The following CSMD1 variants were observed in gnomAD, a reference collection of about 807,000 sequenced individuals.
The protein encoded by CSMD1 is CUB and sushi domain-containing protein 1.
Under a neutral mutation model 417.5 loss-of-function variants are expected in CSMD1, and 213 were observed. The observed-to-expected ratio is 0.51, with a 90% confidence interval of 0.46 to 0.57. The LOEUF (loss-of-function observed/expected upper bound fraction) is 0.57. CSMD1 is among the 20% of genes least tolerant of loss of function. The pLI, the probability that CSMD1 is intolerant of heterozygous loss-of-function variation, is 0.00. For missense variants in CSMD1, 6,923 were observed against 4,529.7 expected, an observed-to-expected ratio of 1.53 and a Z score of -15.17; for synonymous variants, 2,862 against 1,736.8, an observed-to-expected ratio of 1.65 and a Z score of -16.11.
chr8:4,555,021 G>C (rs1255084677), intron 2 of CSMD1, among the ~76,000 whole-genome samples: 1 of 152,206 alleles, frequency 6.6e-6, no homozygotes, highest in Non-Finnish European at 1.5e-5. Context: ...ACGCAAGTAA[G>C]ACTCAGAGAT....
At chr8:4,402,246 G>C (rs145905614) in intron 3 of CSMD1, among the ~76,000 whole-genome samples, 262 of 152,088 alleles carry the variant, frequency 1.7e-3, no homozygotes, top group African/African-American at 6.1e-3. Flanking sequence ...TTCCCTCCAG[G>C]AACATCATAA....
Position 4,686,453 on chromosome 8 carries a change from T to C in CSMD1, c.86-48895A>G, listed in dbSNP as rs568875548. 3.3e-5 allele frequency among the ~76,000 whole-genome samples: 5 copies of C among 152,326 alleles called. No individual in the cohort carries two copies. The East Asian group carries it at 9.7e-4, about 29-fold the overall frequency. The stretch of plus-strand genomic sequence containing the variant: ...CGATGTAGGCCATAAGTAGGCCTTG[T>C]GCGAGAGGGGGCCTCCCCATACCTA... On this transcript the variant is annotated intron_variant, in intron 1 of 69. Coordinates refer to ENST00000635120, the MANE Select transcript of CSMD1 (RefSeq NM_033225.6).
At chr8:4,287,609 C>G (rs916799974) in intron 3 of CSMD1, among the ~76,000 whole-genome samples, 1 of 151,820 alleles carries the variant, frequency 6.6e-6, no homozygotes, top group African/African-American at 2.4e-5. Flanking sequence ...AGGTTAAGTA[C>G]TTTACATAAC....
chr8:4,432,799 G>A (rs1797940972), intron 2 of CSMD1, among the ~76,000 whole-genome samples: 1 of 152,182 alleles, frequency 6.6e-6, no homozygotes, highest in African/African-American at 2.4e-5. Context: ...TTTGGTTATT[G>A]ATTAGAAACC....
At chr8:4,204,527 C>G (rs528763490) in intron 3 of CSMD1, among the ~76,000 whole-genome samples, 2 of 152,084 alleles carry the variant, frequency 1.3e-5, no homozygotes, top group East Asian at 3.9e-4. Flanking sequence ...ATTTCCTCAC[C>G]TTTCAAAGTG....
intron 3 of CSMD1, among the ~76,000 whole-genome samples, chr8:4,155,320 T>G (rs767318075): frequency 6.6e-6 from 1 of 152,164 alleles, no homozygotes; most frequent in Admixed American, 6.5e-5. Flanking sequence ...GGTCTCGCAT[T>G]AGAGTCTCAC....
chr8:3,384,927 AATATAAT>A (rs2116795534), intron 18 of CSMD1, among the ~76,000 whole-genome samples: 1 of 115,522 alleles, frequency 8.7e-6, no homozygotes, highest in Admixed American at 1.1e-4. Flanking sequence ...TACATATGCT[AATATAAT>A]ATATAATATA....
intron 1 of CSMD1, among the ~76,000 whole-genome samples, chr8:4,837,607 C>G (rs1034022405): frequency 6.6e-6 from 1 of 151,968 alleles, no homozygotes; most frequent in Non-Finnish European, 1.5e-5. Flanking sequence ...TTACCAGAGG[C>G]TGGGAAGGAC....
At chr8:4,274,209 G>A (rs893566746) in intron 3 of CSMD1, among the ~76,000 whole-genome samples, 3 of 152,084 alleles carry the variant, frequency 2.0e-5, no homozygotes, top group African/African-American at 7.2e-5. Context: ...GAAGAAAATA[G>A]TTTATAAAGT....
chr8:3,670,298 C>T (rs56129402), intron 7 of CSMD1, among the ~76,000 whole-genome samples: 4 of 151,662 alleles, frequency 2.6e-5, no homozygotes, highest in African/African-American at 7.3e-5. Flanking sequence ...TCTCCTGTGC[C>T]GGATGCTTCC....
rs150395205 is a variant in CSMD1, at chr8:4,585,554, G to A, written c.302+51788C>T. ...TTTACTGTAACTGATTAGAGACTTTGAGCAGAAGTGAAAAGGTAGAATTCA... is the reference window on the plus strand; with the variant it reads ...TTTACTGTAACTGATTAGAGACTTTAAGCAGAAGTGAAAAGGTAGAATTCA... On this transcript the variant is annotated intron_variant, in intron 2 of 69. Coordinates refer to ENST00000635120, the MANE Select transcript of CSMD1 (RefSeq NM_033225.6). 4.8e-3 allele frequency among the ~76,000 whole-genome samples: 735 copies of A among 152,228 alleles called. 4 individuals carry two copies. Among genetic ancestry groups the A allele is most frequent in the Non-Finnish European group, 5.7e-3 (391 of 68,012 alleles).
chr8:4,663,834 C>A (rs575343145), intron 1 of CSMD1, among the ~76,000 whole-genome samples: 1 of 152,272 alleles, frequency 6.6e-6, no homozygotes, highest in Admixed American at 6.5e-5. Flanking sequence ...AATCCAGGAT[C>A]GTCAGACACT....
intron 23 of CSMD1, among the ~76,000 whole-genome samples, chr8:3,314,455 G>C (rs1341989862): frequency 6.6e-6 from 1 of 151,838 alleles, no homozygotes; most frequent in African/African-American, 2.4e-5. Context: ...AATTATTCAG[G>C]GCACAAATAC....
intron 23 of CSMD1, among the ~76,000 whole-genome samples, chr8:3,337,161 T>A (rs897134210): frequency 7.2e-5 from 11 of 152,134 alleles, no homozygotes; most frequent in African/African-American, 2.7e-4. Flanking sequence ...TACATGACTC[T>A]GCCACAAACC....
chr8:4,282,249 G>T (rs980606078), intron 3 of CSMD1, among the ~76,000 whole-genome samples: 1 of 152,164 alleles, frequency 6.6e-6, no homozygotes, highest in African/African-American at 2.4e-5. Context: ...ATGCAAAGGT[G>T]AATATAATCC....
At chr8:3,004,610 T>C (rs1007654569) in intron 52 of CSMD1, among the ~76,000 whole-genome samples, 15 of 152,254 alleles carry the variant, frequency 9.9e-5, no homozygotes, top group Admixed American at 1.3e-4. Flanking sequence ...CCTCATGGAA[T>C]TGCAGAATTT....
Position 4,271,201 on chromosome 8 carries a change from C to A in CSMD1, c.415+148752G>T, listed in dbSNP as rs531355947. ...GTTTTCATTTATGGATAGATGTAAACATATATATACTTGCAATGCGATATA... is the reference window on the plus strand; with the variant it reads ...GTTTTCATTTATGGATAGATGTAAAAATATATATACTTGCAATGCGATATA... On this transcript the variant is annotated intron_variant, in intron 3 of 69. Coordinates refer to ENST00000635120, the MANE Select transcript of CSMD1 (RefSeq NM_033225.6). 5.9e-5 allele frequency among the ~76,000 whole-genome samples: 9 copies of A among 152,066 alleles called. No homozygotes were observed. The East Asian group carries it at 1.6e-3, about 26-fold the overall frequency.
chr8:3,901,729 T>C (rs1807767378), intron 5 of CSMD1, among the ~76,000 whole-genome samples: 1 of 152,262 alleles, frequency 6.6e-6, no homozygotes, highest in Non-Finnish European at 1.5e-5. Flanking sequence ...CAACTGTCTT[T>C]ATGTAGGCTT....
intron 1 of CSMD1, among the ~76,000 whole-genome samples, chr8:4,638,562 G>T (rs895322376): frequency 6.6e-5 from 10 of 152,212 alleles, no homozygotes; most frequent in African/African-American, 1.7e-4. Flanking sequence ...GACTTAGGAG[G>T]TGGAGCAGAA....
Sources: allele counts gnomAD v4.1 joint callset (sites outside exome capture counted in the v4.1 genomes callset), GRCh38; gene constraint gnomAD v4.1.1; transcripts MANE v1.5; gene names NCBI Gene and HGNC (gene_info 2026-07-23, HGNC 2026-07-21).